TENM1: variants seen among roughly 807,000 people sequenced by gnomAD.
TENM1 encodes teneurin-1.
Under a neutral mutation model 174.8 loss-of-function variants are expected in TENM1, and 35 were observed. That is an observed-to-expected ratio of 0.20 (90% CI 0.15 to 0.27). The LOEUF (loss-of-function observed/expected upper bound fraction) is 0.27, where lower values mean the gene tolerates loss of function less well. TENM1 is among the 10% of genes least tolerant of loss of function. TENM1 has a pLI of 1.00. For missense variants in TENM1, 1,633 were observed against 2,130.1 expected (o/e 0.77, Z 4.59); for synonymous variants, 781 against 798.7 (o/e 0.98, Z 0.37).
intron 1 of TENM1, among the ~76,000 whole-genome samples, chrX:124,960,449 G>A (rs1216950707): frequency 2.7e-5 from 3 of 111,973 alleles, no homozygotes; most frequent in Non-Finnish European, 5.6e-5. Flanking sequence ...TGCACTATAA[G>A]TTTCCTGCAA....
the TENM1 span, among the ~76,000 whole-genome samples, chrX:125,009,458 G>A: frequency 1.8e-5 from 2 of 111,492 alleles, no homozygotes; most frequent in Non-Finnish European, 3.8e-5. Flanking sequence ...GAGGTACAAA[G>A]AGGAGCTGGT....
At chrX:124,977,875 G>A in the TENM1 span, among the ~76,000 whole-genome samples, 1 of 105,113 alleles carries the variant, frequency 9.5e-6, no homozygotes, top group Non-Finnish European at 1.9e-5. Context: ...TCACCTTCTG[G>A]GACTCACATT....
At chrX:124,443,042 C>CTGTGTG (rs1288057201) in intron 23 of TENM1, among the ~76,000 whole-genome samples, 33 of 42,165 alleles carry the variant, frequency 7.8e-4, no homozygotes, top group African/African-American at 3.1e-3. Context: ...GCCTGGATGA[C>CTGTGTG]TATGTGTGTG....
chrX:124,668,176 G>C (rs186541668), intron 6 of TENM1, among the ~76,000 whole-genome samples: 1 of 111,449 alleles, frequency 9.0e-6, no homozygotes, highest in Non-Finnish European at 1.9e-5. Context: ...TTAGAATGGC[G>C]ATCATTAAAA....
intron 25 of TENM1, chrX:124,411,803 GT>G (rs2060538716): frequency 8.9e-6 from 1 of 112,356 alleles, no homozygotes; most frequent in East Asian, 2.8e-4. Context: ...GCTTACTTGA[GT>G]TTTTTCTGTC....
chrX:124,877,161 T>C (rs2147500810), intron 3 of TENM1, among the ~76,000 whole-genome samples: 1 of 112,296 alleles, frequency 8.9e-6, no homozygotes, highest in African/African-American at 3.2e-5. Flanking sequence ...AATTCCAAAT[T>C]ATACAATATA....
chrX:124,482,155 G>A (rs1368382433), intron 21 of TENM1, among the ~76,000 whole-genome samples, 191 bp from the exon 25 acceptor site: 2 of 110,403 alleles, frequency 1.8e-5, no homozygotes, highest in Non-Finnish European at 3.8e-5. Flanking sequence ...CAAATCTAAT[G>A]TATACTGCTA....
chrX:124,596,621 G>A (rs2049896429), intron 11 of TENM1, among the ~76,000 whole-genome samples: 1 of 111,610 alleles, frequency 9.0e-6, no homozygotes, highest in Non-Finnish European at 1.9e-5. Flanking sequence ...AGGATGAATG[G>A]GCAAACGTAT....
intron 3 of TENM1, among the ~76,000 whole-genome samples, chrX:124,810,044 C>G (rs1203016419): frequency 9.0e-6 from 1 of 111,099 alleles, no homozygotes; most frequent in South Asian, 3.9e-4. Flanking sequence ...TGGGGACACA[C>G]AGCCAAACCA....
At chrX:125,154,563 A>G in the TENM1 span, among the ~76,000 whole-genome samples, 148 of 111,861 alleles carry the variant, frequency 1.3e-3, 1 homozygote, top group Middle Eastern at 4.7e-3. Context: ...AGACTCACCT[A>G]GAGTACTGTT....
At chrX:125,185,336 C>A in the TENM1 span, among the ~76,000 whole-genome samples, 2 of 111,906 alleles carry the variant, frequency 1.8e-5, no homozygotes, top group Non-Finnish European at 3.8e-5. Flanking sequence ...ACACACTCTG[C>A]AGATGTTCCC....
chrX:124,494,529 T>C (rs951227469), intron 20 of TENM1, among the ~76,000 whole-genome samples: 8 of 110,732 alleles, frequency 7.2e-5, no homozygotes, highest in African/African-American at 2.3e-4. Context: ...TTTATTATTA[T>C]ACTTTAAGTT....
At chrX:124,981,453 A>G in the TENM1 span, among the ~76,000 whole-genome samples, 1 of 112,085 alleles carries the variant, frequency 8.9e-6, no homozygotes. Flanking sequence ...CTCAGATGAA[A>G]TAACAGGGAG....
At chrX:124,779,773 G>A (rs1000085852) in intron 3 of TENM1, among the ~76,000 whole-genome samples, 6 of 111,577 alleles carry the variant, frequency 5.4e-5, no homozygotes, top group African/African-American at 2.0e-4. Flanking sequence ...CTCATACATG[G>A]TAATTCCCAC....
exon 4 of TENM1, chrX:124,737,029 G>A (rs1355107541): frequency 8.3e-7 from 1 of 1,211,562 alleles, no homozygotes; most frequent in Non-Finnish European, 1.1e-6. Context: ...CGTGCTGGTT[G>A]GGGGAGCTGG....
the TENM1 span, among the ~76,000 whole-genome samples, chrX:125,035,106 C>A: frequency 9.0e-6 from 1 of 111,577 alleles, no homozygotes; most frequent in African/African-American, 3.3e-5. Context: ...ATAGAATGCT[C>A]TCTGATTTCT....
the TENM1 span, among the ~76,000 whole-genome samples, chrX:125,131,582 T>C: frequency 8.9e-6 from 1 of 112,196 alleles, no homozygotes; most frequent in African/African-American, 3.2e-5. Context: ...TTTGGCTGAT[T>C]GCCTTGAAGA....
chrX:125,077,413 A>T, the TENM1 span, among the ~76,000 whole-genome samples: 28 of 111,276 alleles, frequency 2.5e-4, no homozygotes, highest in Non-Finnish European at 4.9e-4. Flanking sequence ...TTTTTATATG[A>T]ATGTAATTAT....
At chrX:124,526,951 T>C (rs930955670) in intron 16 of TENM1, among the ~76,000 whole-genome samples, 2 of 112,244 alleles carry the variant, frequency 1.8e-5, no homozygotes, top group Middle Eastern at 4.6e-3. Flanking sequence ...TTACAAATAG[T>C]TCTCTTTCAA....
Sources: allele counts gnomAD v4.1 joint callset (sites outside exome capture counted in the v4.1 genomes callset), GRCh38; gene constraint gnomAD v4.1.1; transcripts MANE v1.5; gene names NCBI Gene and HGNC (gene_info 2026-07-23, HGNC 2026-07-21).